Variants in AP4S1 observed in about 807,000 individuals in gnomAD.
AP4S1 encodes adaptor related protein complex 4 subunit sigma 1, also known as AP-4 complex subunit sigma-1.
A neutral mutation model predicts 19.8 loss-of-function variants in AP4S1; 23 were observed. That is an observed-to-expected ratio of 1.16 (90% CI 0.84 to 1.65). The LOEUF (loss-of-function observed/expected upper bound fraction) is 1.65, where lower values mean the gene tolerates loss of function less well. Ranked by LOEUF, AP4S1 falls within the 40% of genes most tolerant of loss-of-function variation. The pLI, the probability that AP4S1 is intolerant of heterozygous loss-of-function variation, is 0.00. For missense variants in AP4S1, 166 were observed against 172.8 expected (o/e 0.96, Z 0.22); for synonymous variants, 46 against 54.1 (o/e 0.85, Z 0.66).
At chr14:31,025,817 G>C in intron 1 of AP4S1, 30 bp downstream of exon 1, 4 of 1,521,600 alleles carry the variant, frequency 2.6e-6, no homozygotes, top group South Asian at 2.4e-5. Flanking sequence ...CCAAGGCGCC[G>C]GCTCCGGCTG....
intron 1 of AP4S1, among the ~76,000 whole-genome samples, chr14:31,065,388 A>G (rs1409947996): frequency 1.3e-5 from 2 of 152,086 alleles, no homozygotes; most frequent in Middle Eastern, 3.2e-3. Context: ...CTGTACACCT[A>G]TGGAAGCGGA....
intron 1 of AP4S1, among the ~76,000 whole-genome samples, chr14:31,063,261 C>T (rs1886540663): frequency 6.6e-6 from 1 of 152,084 alleles, no homozygotes; most frequent in South Asian, 2.1e-4. Context: ...TGAAACCCAT[C>T]TCTGCTAAAA....
chr14:31,050,147 C>A (rs1032380769), intron 1 of AP4S1, among the ~76,000 whole-genome samples: 11 of 152,202 alleles, frequency 7.2e-5, no homozygotes, highest in Admixed American at 6.5e-4. Context: ...GTCTCGAACT[C>A]CTGACCTCAG....
intron 1 of AP4S1, among the ~76,000 whole-genome samples, chr14:31,061,206 G>T (rs528986722): frequency 9.2e-5 from 14 of 151,810 alleles, no homozygotes; most frequent in Non-Finnish European, 1.5e-4. Context: ...TTAGTAGAGA[G>T]TGGGGTTTTA....
At chr14:31,064,952 T>C (rs1447850990) in intron 1 of AP4S1, among the ~76,000 whole-genome samples, 1 of 152,024 alleles carries the variant, frequency 6.6e-6, no homozygotes, top group Non-Finnish European at 1.5e-5. Context: ...AGGCCCTATC[T>C]CAAAAATAAA....
intron 4 of AP4S1, among the ~76,000 whole-genome samples, chr14:31,077,767 C>T (rs1172512185): frequency 2.2e-5 from 3 of 139,188 alleles, no homozygotes; most frequent in South Asian, 4.4e-4. Flanking sequence ...GATGGAGTCT[C>T]GCTCTGTCGC....
intron 5 of AP4S1, 86 bp downstream of exon 5, chr14:31,080,670 A>G: frequency 6.3e-7 from 1 of 1,584,208 alleles, no homozygotes. Context: ...CAGGAAAACT[A>G]TTCAGCAGAG....
intron 2 of AP4S1, 136 bp from the exon 3 acceptor site, chr14:31,069,707 A>G (rs548896150): frequency 1.5e-5 from 11 of 758,222 alleles, no homozygotes; most frequent in Non-Finnish European, 2.3e-5. Flanking sequence ...AAGGTCACCA[A>G]TGGTTGTGTA....
At chr14:31,064,194 C>T (rs1443078122) in intron 1 of AP4S1, among the ~76,000 whole-genome samples, 1 of 152,148 alleles carries the variant, frequency 6.6e-6, no homozygotes, top group Non-Finnish European at 1.5e-5. Context: ...ATGTGCTTGG[C>T]CTTTGAACCG....
chr14:31,066,160 G>A lies in AP4S1; in HGVS notation c.-37G>A, dbSNP rs1446710996. 1.9e-6 allele frequency: 3 copies of A among 1,609,924 alleles called. No homozygotes were observed. The highest frequency in any genetic ancestry group is 8.5e-7 in the Non-Finnish European group (1 of 1,177,560). ...ACAGCCATCCCTTGTCATAACTTTT[G>A]AACTGTATTTGGAAAAATACTGGCC... On this transcript the variant is annotated 5_prime_UTR_variant, in exon 2 of 6. Coordinates refer to ENST00000542754, the MANE Select transcript of AP4S1 (RefSeq NM_001128126.3).
intron 4 of AP4S1, among the ~76,000 whole-genome samples, chr14:31,080,130 T>C (rs1887561438): frequency 6.6e-6 from 1 of 152,230 alleles, no homozygotes; most frequent in Non-Finnish European, 1.5e-5. Context: ...TTTAGGTTAT[T>C]ATCCATAATT....
chr14:31,041,331 G>A (rs942708362), intron 1 of AP4S1, among the ~76,000 whole-genome samples: 3 of 151,766 alleles, frequency 2.0e-5, no homozygotes, highest in African/African-American at 7.3e-5. Flanking sequence ...TGTATTTTTA[G>A]TAGTGAGGGG....
At chr14:31,082,897 A>C (rs574964347) in intron 5 of AP4S1, among the ~76,000 whole-genome samples, 1 of 147,520 alleles carries the variant, frequency 6.8e-6, no homozygotes, top group Non-Finnish European at 1.5e-5. Context: ...CTCCGTCTCA[A>C]AAAAAAAAAA....
At chr14:31,086,249 C>T (rs1336937735) in intron 5 of AP4S1, 1 of 152,208 alleles carries the variant, frequency 6.6e-6, no homozygotes, top group Non-Finnish European at 1.5e-5. Context: ...CAAACAAATT[C>T]TTCAGGGAAG....
intron 1 of AP4S1, among the ~76,000 whole-genome samples, chr14:31,038,714 G>T (rs944719014): frequency 6.6e-6 from 1 of 152,146 alleles, no homozygotes; most frequent in East Asian, 1.9e-4. Flanking sequence ...CTGTAAAGTG[G>T]AGATAAAAAG....
At chr14:31,037,600 G>GTA (rs1475896241) in intron 1 of AP4S1, among the ~76,000 whole-genome samples, 1 of 152,166 alleles carries the variant, frequency 6.6e-6, no homozygotes, top group Non-Finnish European at 1.5e-5. Context: ...GTAAATTTAA[G>GTA]TATATATATT....
Position 31,096,324 on chromosome 14 carries a change from T to G in AP4S1, c.*3289T>G, listed in dbSNP as rs1463723853. 6.6e-6 allele frequency: 1 copy of G among 152,160 alleles called. No individual in the cohort carries two copies. The highest frequency in any genetic ancestry group is 1.5e-5 in the Non-Finnish European group (1 of 68,028). 9.4% of individuals were successfully genotyped at this position (152,160 alleles called of 1,614,324 possible). A position where few individuals can be genotyped will look rare whatever the true frequency, so the allele number is the denominator to read the frequency against. On this transcript the variant is annotated 3_prime_UTR_variant, in exon 6 of 6. Coordinates refer to ENST00000542754, the MANE Select transcript of AP4S1 (RefSeq NM_001128126.3). ...TACAGAACTGTCTTAGGCGAAAGTA[T>G]GTACAGTAGTCCCTCTCTTATCCAC...
chr14:31,042,988 AG>A (rs925326854), intron 1 of AP4S1, among the ~76,000 whole-genome samples: 3 of 152,212 alleles, frequency 2.0e-5, no homozygotes, highest in African/African-American at 7.2e-5. Flanking sequence ...TGGGAAGCCC[AG>A]GCGGGTGGAT....
intron 1 of AP4S1, among the ~76,000 whole-genome samples, chr14:31,065,265 T>C (rs3784163): frequency 0.89 from 135,913 of 152,182 alleles, 60,843 homozygotes; most frequent in South Asian, 0.93. Context: ...CTTTCATACC[T>C]GTTTTCTCTG....
Sources: gnomAD v4.1 joint callset for allele counts (sites outside exome capture counted in the v4.1 genomes callset) on GRCh38, gnomAD v4.1.1 for gene constraint, MANE v1.5 for transcripts, NCBI Gene and HGNC (gene_info 2026-07-23, HGNC 2026-07-21) for gene names.